TLK2: variants seen among roughly 807,000 people sequenced by gnomAD.
TLK2 encodes the protein serine/threonine-protein kinase tousled-like 2.
A neutral mutation model predicts 117.3 loss-of-function variants in TLK2; 6 were observed. The ratio of observed to expected loss-of-function variants is 0.05; its 90% CI spans 0.03 to 0.10. TLK2 has a LOEUF of 0.10. TLK2 is among the 10% of genes least tolerant of loss of function. TLK2 has a pLI of 1.00. For missense variants in TLK2, 299 were observed against 901.2 expected (o/e 0.33, Z 8.56); for synonymous variants, 257 against 316.7 (o/e 0.81, Z 2.00).
At chr17:62,521,375 A>G (rs2076037221) in intron 3 of TLK2, among the ~76,000 whole-genome samples, 1 of 152,116 alleles carries the variant, frequency 6.6e-6, no homozygotes. Flanking sequence ...TTCCTGTTTA[A>G]ATGGAAGATA....
chr17:62,562,859 C>T (rs1453361940), intron 10 of TLK2, among the ~76,000 whole-genome samples: 1 of 152,178 alleles, frequency 6.6e-6, no homozygotes, highest in African/African-American at 2.4e-5. Flanking sequence ...GTGACTCACA[C>T]CTATAATCCC....
intron 10 of TLK2, among the ~76,000 whole-genome samples, chr17:62,564,113 T>G (rs979128925): frequency 6.6e-6 from 1 of 152,182 alleles, no homozygotes; most frequent in Non-Finnish European, 1.5e-5. Flanking sequence ...ATTAAAAACA[T>G]GTAGGCAGGC....
intron 6 of TLK2, among the ~76,000 whole-genome samples, chr17:62,527,310 A>T (rs2076429557): frequency 6.6e-6 from 1 of 152,194 alleles, no homozygotes; most frequent in Non-Finnish European, 1.5e-5. Context: ...ACACCCATGT[A>T]CATACATTTT....
intron 9 of TLK2, among the ~76,000 whole-genome samples, chr17:62,557,590 T>C (rs1362048297): frequency 3.3e-5 from 5 of 152,206 alleles, no homozygotes; most frequent in South Asian, 4.1e-4. Context: ...CTCTTATTCC[T>C]GTTTTTATTC....
At chr17:62,498,390 C>CTTT (rs34118887) in intron 2 of TLK2, among the ~76,000 whole-genome samples, 3 of 142,848 alleles carry the variant, frequency 2.1e-5, no homozygotes, top group Non-Finnish European at 3.1e-5. Context: ...GAAAGCCCCC[C>CTTT]TTTTTTTTTT....
chr17:62,527,993 G>C lies in TLK2; in HGVS notation c.363+3662G>C, dbSNP rs898805265. Among the ~76,000 whole-genome samples, 9 of 152,028 alleles carry C rather than the reference G, an allele frequency of 5.9e-5. No individual in the cohort carries two copies. In the East Asian group the frequency reaches 1.7e-3, roughly 29 times the overall value. Reference sequence around the variant, plus strand: ...CTTGACCTCGTGATCCGCCCGCCTCGGCCTCCCAAAGTGTTGGGATTACAG... The same window carrying C: ...CTTGACCTCGTGATCCGCCCGCCTCCGCCTCCCAAAGTGTTGGGATTACAG... On this transcript the variant is annotated intron_variant, in intron 6 of 21. Coordinates refer to ENST00000346027, the MANE Select transcript of TLK2 (RefSeq NM_006852.6).
chr17:62,480,198 A>G (rs1278427342), intron 1 of TLK2, among the ~76,000 whole-genome samples: 1 of 152,270 alleles, frequency 6.6e-6, no homozygotes, highest in Admixed American at 6.5e-5. Flanking sequence ...CAGTAACTTT[A>G]AAATCACACC....
intron 7 of TLK2, among the ~76,000 whole-genome samples, chr17:62,543,510 T>C (rs1297544986): frequency 1.3e-5 from 2 of 152,208 alleles, no homozygotes; most frequent in African/African-American, 4.8e-5. Context: ...CTATTGTCTC[T>C]CTTTTTCATT....
At chr17:62,487,361 C>T (rs184977538) in intron 2 of TLK2, among the ~76,000 whole-genome samples, 16 of 150,600 alleles carry the variant, frequency 1.1e-4, no homozygotes, top group Middle Eastern at 3.5e-3. Context: ...CTAAGTTAAC[C>T]GCCCTAGAAA....
rs368516607 is a variant in TLK2 at position 62,548,240 on chromosome 17, A to ATATGTGTGTG, written c.532-4061_532-4060insATGTGTGTGT. 3.1e-3 allele frequency among the ~76,000 whole-genome samples: 380 copies of ATATGTGTGTG among 121,280 alleles called. 2 individuals carry two copies. The highest frequency in any genetic ancestry group is 0.021 in the East Asian group (83 of 3,972). The allele number at this position is 121,280 out of a possible 152,430, so 79.6% of individuals were successfully genotyped here. On this transcript the variant is annotated intron_variant, in intron 7 of 21. Coordinates refer to ENST00000346027, the MANE Select transcript of TLK2 (RefSeq NM_006852.6). Reference sequence around the variant, plus strand: ...TTATCATTGGGCCATATATATATATATGTGTGTGTGTGTGTGTGTGTGTGT... The same window carrying ATATGTGTGTG: ...TTATCATTGGGCCATATATATATATATATGTGTGTGTGTGTGTGTGTGTGTGTGTGTGTGT...
At chr17:62,477,085 T>C (rs990008530), upstream of TLK2, among the ~76,000 whole-genome samples, 1 of 151,860 alleles carries the variant, frequency 6.6e-6, no homozygotes, top group African/African-American at 2.4e-5. Context: ...AGCGAGACTC[T>C]GTCTCAAAAA....
intron 2 of TLK2, chr17:62,516,264 CTTTT>C (rs34931247): frequency 1.3e-3 from 910 of 707,172 alleles, no homozygotes; most frequent in Middle Eastern, 2.4e-3. Flanking sequence ...AGTTTTAGTT[CTTTT>C]TTTTTTTTTT....
At chr17:62,543,741 C>T (rs1216076287) in intron 7 of TLK2, among the ~76,000 whole-genome samples, 1 of 152,106 alleles carries the variant, frequency 6.6e-6, no homozygotes, top group Non-Finnish European at 1.5e-5. Flanking sequence ...AGATCTTTGT[C>T]AACTATATGA....
At position 62,544,560 on chromosome 17, in the gene TLK2, AACCAT is replaced by A. The variant is rs528879441; in HGVS notation, c.532-7737_532-7733del. Among the ~76,000 whole-genome samples, 50 of 152,186 alleles carry A rather than the reference AACCAT, an allele frequency of 3.3e-4. 1 individual carries two copies. The East Asian group carries it at 4.6e-3, about 14-fold the overall frequency. On this transcript the variant is annotated intron_variant, in intron 7 of 21. Transcript: ENST00000346027. ...GAGATTTGGGTGGGGACACAGAAAA[AACCAT>A]ACCACCTGTCTTTATGCCAGGACCA...
chr17:62,560,661 A>AT lies in TLK2; in HGVS notation c.831+553dup, dbSNP rs550051831. ...TTAATAGGTATTAGTAACTATTAGAATTTTTTTTTTTTTTTTTTGAGGCTG... is the reference window on the plus strand; with the variant it reads ...TTAATAGGTATTAGTAACTATTAGAATTTTTTTTTTTTTTTTTTTGAGGCTG... On this transcript the variant is annotated intron_variant, in intron 10 of 21. Transcript: ENST00000346027. 7.9e-3 allele frequency among the ~76,000 whole-genome samples: 1,111 copies of AT among 140,320 alleles called. 13 individuals are homozygous for AT. The highest frequency in any genetic ancestry group is 0.036 in the East Asian group (172 of 4,816). 92.1% of individuals were successfully genotyped at this position (140,320 alleles called of 152,430 possible).
At chr17:62,472,502 G>A (rs1279291733) in intron 1 of TLK2, among the ~76,000 whole-genome samples, 1 of 151,956 alleles carries the variant, frequency 6.6e-6, no homozygotes, top group Admixed American at 6.6e-5. Flanking sequence ...ACTTTGGGAG[G>A]CCAAGGTGGG....
chr17:62,584,107 GTTTTTTTT>G (rs572000997), intron 15 of TLK2, among the ~76,000 whole-genome samples: 4 of 78,524 alleles, frequency 5.1e-5, no homozygotes, highest in Admixed American at 1.8e-4. Context: ...TTCTTTTGTG[GTTTTTTTT>G]TTTTTTTTTT....
intron 10 of TLK2, among the ~76,000 whole-genome samples, chr17:62,564,654 G>C (rs1443088858): frequency 6.6e-6 from 1 of 151,798 alleles, no homozygotes; most frequent in Non-Finnish European, 1.5e-5. Flanking sequence ...GCTGCAGTGA[G>C]CCGAGATCAT....
chr17:62,474,110 GCT>G (rs1173752783), upstream of TLK2, among the ~76,000 whole-genome samples: 3 of 151,772 alleles, frequency 2.0e-5, no homozygotes, highest in African/African-American at 7.3e-5. Context: ...ACCGAGTCTC[GCT>G]CTGTCGCCCA....
Sources: gnomAD v4.1 joint callset for allele counts (sites outside exome capture counted in the v4.1 genomes callset) on GRCh38, gnomAD v4.1.1 for gene constraint, MANE v1.5 for transcripts, NCBI Gene and HGNC (gene_info 2026-07-23, HGNC 2026-07-21) for gene names.